Variants in SLC12A7 observed in about 807,000 individuals in gnomAD.
The protein encoded by SLC12A7 is K-Cl cotransporter 4.
In SLC12A7, 100 loss-of-function variants were observed where a neutral mutation model predicts 120.6. The ratio of observed to expected loss-of-function variants is 0.83; its 90% confidence interval spans 0.71 to 0.98. The LOEUF (loss-of-function observed/expected upper bound fraction) is 0.98. SLC12A7 is among the 50% of genes least tolerant of loss of function. The pLI is 0.00. For missense variants in SLC12A7, 1,373 were observed against 1,548.1 expected (o/e 0.89, Z 1.90); for synonymous variants, 760 against 678.0 (o/e 1.12, Z -1.88).
the SLC12A7 span, among the ~76,000 whole-genome samples, chr5:1,142,174 A>G: frequency 6.6e-6 from 1 of 151,112 alleles, no homozygotes; most frequent in Non-Finnish European, 1.5e-5. Context: ...GGGCCCCTCC[A>G]TACAGAGCCC....
chr5:1,099,752 C>G (rs368690734), intron 1 of SLC12A7, among the ~76,000 whole-genome samples: 1 of 152,190 alleles, frequency 6.6e-6, no homozygotes, highest in Non-Finnish European at 1.5e-5. Flanking sequence ...AAGGCTGACT[C>G]GGGAATCTCA....
At chr5:1,124,176 C>G in the SLC12A7 span, among the ~76,000 whole-genome samples, 2 of 152,238 alleles carry the variant, frequency 1.3e-5, no homozygotes, top group Admixed American at 1.3e-4. Flanking sequence ...CAGCTAGATT[C>G]GTCCTCAGGG....
At chr5:1,090,597 C>T (rs570031646) in intron 3 of SLC12A7, among the ~76,000 whole-genome samples, 2 of 152,298 alleles carry the variant, frequency 1.3e-5, no homozygotes, top group South Asian at 4.1e-4. Context: ...AGCAAGGCTC[C>T]AGGGACAATT....
At chr5:1,087,369 T>A (rs1739984518) in intron 5 of SLC12A7, among the ~76,000 whole-genome samples, 1 of 152,182 alleles carries the variant, frequency 6.6e-6, no homozygotes, top group Admixed American at 6.5e-5. Flanking sequence ...CCACTTCCAC[T>A]AAGTTTTGCT....
chr5:1,151,928 C>A, the SLC12A7 span, among the ~76,000 whole-genome samples: 1 of 152,198 alleles, frequency 6.6e-6, no homozygotes, highest in African/African-American at 2.4e-5. This position sits in a 1 kb window ranked among gnomAD's most constrained non-coding sequence, Gnocchi z 6.2. Context: ...TGGGACCCCG[C>A]TGAAACCGTC....
Position 1,073,549 on chromosome 5 carries a change from G to C in SLC12A7, c.2241+84C>G, listed in dbSNP as rs547419243. ...GCCACGCACAGCACCGTGTTGACAC[G>C]CTGCGATGAGGACATGCCAGGGCAC... On this transcript the variant is annotated intron_variant, in intron 17 of 23. Coordinates refer to ENST00000264930, the MANE Select transcript of SLC12A7 (RefSeq NM_006598.3). 10 of 1,428,582 alleles carry C rather than the reference G, an allele frequency of 7.0e-6. No individual in the cohort carries two copies. In the South Asian group the frequency reaches 1.3e-4, roughly 18 times the overall value. The allele number at this position is 1,428,582 out of a possible 1,614,324, so 88.5% of individuals were successfully genotyped here. A position where few individuals can be genotyped will look rare whatever the true frequency, so the allele number is the denominator to read the frequency against.
chr5:1,139,398 A>G, the SLC12A7 span, among the ~76,000 whole-genome samples: 1 of 152,242 alleles, frequency 6.6e-6, no homozygotes, highest in African/African-American at 2.4e-5. Context: ...CATCCTCACG[A>G]GGGCCCTGGG....
At position 1,079,384 on chromosome 5, in the gene SLC12A7, C is replaced by T; in HGVS notation, c.1396+14G>A. 1.9e-6 allele frequency: 3 copies of T among 1,604,570 alleles called. No individual in the cohort carries two copies. Among genetic ancestry groups the T allele is most frequent in the Non-Finnish European group, 2.6e-6 (3 of 1,172,502 alleles). On this transcript the variant is annotated intron_variant, in intron 10 of 23. Transcript: ENST00000264930. ...CAGAGGCTGGAACCCTCGCCTGCAC[C>T]CCTCCAAGGATACAGATGAAAGACG...
chr5:1,133,613 T>C, the SLC12A7 span, among the ~76,000 whole-genome samples: 2 of 152,208 alleles, frequency 1.3e-5, no homozygotes, highest in African/African-American at 4.8e-5. Flanking sequence ...CTGCTGACGC[T>C]GACGCTTGCT....
chr5:1,126,888 A>G, the SLC12A7 span, among the ~76,000 whole-genome samples: 1 of 152,210 alleles, frequency 6.6e-6, no homozygotes, highest in Non-Finnish European at 1.5e-5. Flanking sequence ...GCTTCCCCAG[A>G]AGGATATGTT....
At chr5:1,090,249 A>G (rs4975663) in intron 3 of SLC12A7, among the ~76,000 whole-genome samples, 144,160 of 152,286 alleles carry the variant, frequency 0.95, 68,795 homozygotes, top group East Asian at 1. Flanking sequence ...CAGACTGGCC[A>G]AGGCTGGGGC....
At position 1,064,023 on chromosome 5, in the gene SLC12A7, C is replaced by T. The variant is rs371922462; in HGVS notation, c.2608-48G>A. On this transcript the variant is annotated intron_variant, in intron 19 of 23. Transcript: ENST00000264930. ...TGTGGGGCCTCAGAGGAGCCCGTCCCGGCCCGCAGCACGTGGGGTGGCCGT... is the reference window on the plus strand; with the variant it reads ...TGTGGGGCCTCAGAGGAGCCCGTCCTGGCCCGCAGCACGTGGGGTGGCCGT... 1.5e-4 allele frequency: 246 copies of T among 1,603,766 alleles called. 1 individual carries two copies. In the African/African-American group the frequency reaches 2.5e-3, roughly 16 times the overall value.
chr5:1,055,029 G>A (rs1396279765), intron 22 of SLC12A7, among the ~76,000 whole-genome samples: 1 of 152,206 alleles, frequency 6.6e-6, no homozygotes, highest in African/African-American at 2.4e-5. Flanking sequence ...GTGAGTGCTG[G>A]GGTGAGGCGG....
intron 17 of SLC12A7, among the ~76,000 whole-genome samples, chr5:1,065,771 C>A (rs1736987726): frequency 6.6e-6 from 1 of 152,082 alleles, no homozygotes; most frequent in South Asian, 2.1e-4. Flanking sequence ...CTGAGGCGAT[C>A]CACAACATCC....
intron 21 of SLC12A7, among the ~76,000 whole-genome samples, chr5:1,059,807 C>T (rs1280515563): frequency 6.7e-6 from 1 of 149,788 alleles, no homozygotes; most frequent in Non-Finnish European, 1.5e-5. Flanking sequence ...GCTCGCTTCC[C>T]TCCCTCCCTG....
intron 2 of SLC12A7, 26 bp from the exon 3 acceptor site, chr5:1,093,681 G>A: frequency 6.2e-7 from 1 of 1,610,842 alleles, no homozygotes; most frequent in Middle Eastern, 1.7e-4. Flanking sequence ...ATGGTCACAG[G>A]CGGCCCGCAC....
In SLC12A7 at chr5:1,109,514, G is replaced by A. The variant is rs184929277; in HGVS notation, c.124+2354C>T. 1.3e-3 allele frequency among the ~76,000 whole-genome samples: 198 copies of A among 152,336 alleles called. 1 individual carries two copies. Among genetic ancestry groups the A allele is most frequent in the Admixed American group, 9.6e-3 (147 of 15,304 alleles). ...TGCTGAGGGCACAGTGCCCATCCCC[G>A]GGACAGGACGCCTCCCGCAGAGGCT... On this transcript the variant is annotated intron_variant, in intron 1 of 23. Transcript: ENST00000264930.
At chr5:1,063,340 G>A (rs949767793) in intron 20 of SLC12A7, among the ~76,000 whole-genome samples, 1 of 152,188 alleles carries the variant, frequency 6.6e-6, no homozygotes, top group Non-Finnish European at 1.5e-5. Flanking sequence ...CACCCAAAAC[G>A]GGAGGTGCTC....
At chr5:1,122,471 C>A in the SLC12A7 span, among the ~76,000 whole-genome samples, 8 of 152,202 alleles carry the variant, frequency 5.3e-5, no homozygotes, top group Non-Finnish European at 5.9e-5. Flanking sequence ...TAAAAAAATC[C>A]ATTTTATTTA....
Sources: allele counts gnomAD v4.1 joint callset (sites outside exome capture counted in the v4.1 genomes callset), GRCh38; gene constraint gnomAD v4.1.1; non-coding constraint Gnocchi (gnomAD v3.1); transcripts MANE v1.5; gene names NCBI Gene and HGNC (gene_info 2026-07-23, HGNC 2026-07-21).